GPHN: variants seen among roughly 807,000 people sequenced by gnomAD.
GPHN encodes gephyrin.
A neutral mutation model predicts 95.5 loss-of-function variants in GPHN; 17 were observed. That is an observed-to-expected ratio of 0.18 (90% CI 0.12 to 0.27). The LOEUF (loss-of-function observed/expected upper bound fraction) is 0.27. GPHN is among the 10% of genes least tolerant of loss of function. The pLI, the probability that GPHN is intolerant of heterozygous loss-of-function variation, is 1.00. For missense variants in GPHN, 660 were observed against 978.1 expected (o/e 0.67, Z 4.34); for synonymous variants, 320 against 322.5 (o/e 0.99, Z 0.08).
At chr14:67,592,120 T>C in the GPHN span, 1 of 175,108 alleles carries the variant, frequency 5.7e-6, no homozygotes, top group Non-Finnish European at 1.2e-5. Flanking sequence ...GAAGTTGCTA[T>C]ATATTTGATT....
the GPHN span, among the ~76,000 whole-genome samples, chr14:67,229,020 G>A: frequency 6.6e-6 from 1 of 152,206 alleles, no homozygotes; most frequent in Non-Finnish European, 1.5e-5. Flanking sequence ...GCTACAGCAT[G>A]TTTTTTATCC....
the GPHN span, among the ~76,000 whole-genome samples, chr14:67,451,397 G>C: frequency 2.0e-5 from 3 of 152,330 alleles, no homozygotes; most frequent in Non-Finnish European, 4.4e-5. Flanking sequence ...ACCTGGAAAA[G>C]CCACAGACAC....
chr14:66,942,625 C>T (rs964321844), intron 8 of GPHN, among the ~76,000 whole-genome samples: 8 of 152,062 alleles, frequency 5.3e-5, no homozygotes, highest in Non-Finnish European at 1.0e-4. Flanking sequence ...ATAGCATATA[C>T]TTTAGACATT....
intron 3 of GPHN, among the ~76,000 whole-genome samples, chr14:66,809,584 T>C (rs1323702507): frequency 3.3e-5 from 5 of 152,258 alleles, no homozygotes; most frequent in Non-Finnish European, 5.9e-5. Context: ...GCAGCATATT[T>C]TGGGGGAATA....
chr14:67,706,408 T>C, the GPHN span, among the ~76,000 whole-genome samples: 1 of 152,214 alleles, frequency 6.6e-6, no homozygotes, highest in Non-Finnish European at 1.5e-5. Context: ...TCGGAGGGCC[T>C]GACAACATAT....
chr14:67,337,786 A>C, the GPHN span: 1 of 152,246 alleles, frequency 6.6e-6, no homozygotes, highest in African/African-American at 2.4e-5. Flanking sequence ...ACTTATAAAT[A>C]GTAAAAAGTT....
chr14:67,100,734 A>T (rs1032452747), intron 12 of GPHN, 122 bp from the exon 13 acceptor site: 2 of 726,186 alleles, frequency 2.8e-6, no homozygotes, highest in South Asian at 3.0e-5. Context: ...TCAGAAAAAT[A>T]TTCCACTTCT....
rs112809081 is a variant in GPHN at position 66,880,803 on chromosome 14, G to C, written c.389+770G>C. Among the ~76,000 whole-genome samples, 471 of 151,902 alleles carry C rather than the reference G, an allele frequency of 3.1e-3. 11 individuals are homozygous for C. Among genetic ancestry groups the C allele is most frequent in the African/African-American group, 0.011 (446 of 41,478 alleles). On this transcript the variant is annotated intron_variant, in intron 5 of 22. Transcript: ENST00000478722. The stretch of plus-strand genomic sequence containing the variant: ...TGTTGATATCCATCCTCGATTTAAT[G>C]GTACTTATTTGCTACTATTTTAGCA...
At position 67,159,420 on chromosome 14, in the gene GPHN, T is replaced by C. The variant is rs2153717711; in HGVS notation, c.1842T>C (p.Tyr614=). The C allele has an allele frequency of 6.3e-7, 1 of 1,589,574 alleles. No individual in the cohort carries two copies. Among genetic ancestry groups the C allele is most frequent in the Admixed American group, 1.7e-5 (1 of 59,994 alleles). ...SGGVSMGEKD[Y]LKQVLDIDLH... is the part of the protein sequence containing the mutation. ...ATTATTTTTAATGTTTGCAGGACTA[T>C]CTCAAGCAGGTGCTGGACATTGATC... Residue 614 remains tyrosine (Y), a synonymous_variant, in exon 19 of 23, where the codon TAT becomes TAC. Coordinates refer to ENST00000478722, the MANE Select transcript of GPHN (RefSeq NM_020806.5).
the GPHN span, among the ~76,000 whole-genome samples, chr14:67,258,114 G>T: frequency 6.6e-6 from 1 of 151,818 alleles, no homozygotes; most frequent in African/African-American, 2.4e-5. Flanking sequence ...AATGCAGCAC[G>T]TATTGAGTTT....
chr14:66,824,555 G>A lies in GPHN; in HGVS notation c.283G>A (p.Val95Ile). The change falls in exon 4 of 23, where the codon GTC becomes ATC. Residue 95 changes from valine to isoleucine, a missense_variant. By Grantham distance (29) the Val-to-Ile change is conservative (BLOSUM62 3). Coordinates refer to ENST00000478722, the MANE Select transcript of GPHN (RefSeq NM_020806.5). ...AGGAACAGGATTTGCACCACGAGAT[G>A]TCACTCCAGAGGTGAGATAGTACAT... is the stretch of plus-strand genomic sequence containing the variant. ...TGGTGFAPRD[V>I]TPEATKEVIE... The A allele has an allele frequency of 6.6e-7, 1 of 1,523,794 alleles. No homozygotes were observed. The highest frequency in any genetic ancestry group is 2.3e-5 in the East Asian group (1 of 44,378). 94.4% of individuals were successfully genotyped at this position (1,523,794 alleles called of 1,614,324 possible).
intron 8 of GPHN, among the ~76,000 whole-genome samples, chr14:66,949,818 A>G (rs1352969468): frequency 2.0e-5 from 3 of 152,170 alleles, no homozygotes; most frequent in Non-Finnish European, 4.4e-5. Context: ...TATTCTTGGC[A>G]TCAAATATAA....
At chr14:66,548,890 A>G (rs1328979025) in intron 1 of GPHN, among the ~76,000 whole-genome samples, 7 of 152,220 alleles carry the variant, frequency 4.6e-5, no homozygotes, top group Admixed American at 6.5e-5. Context: ...AGAGATTTGT[A>G]TATTATACTT....
At chr14:66,658,420 A>G (rs970128337) in intron 1 of GPHN, among the ~76,000 whole-genome samples, 1 of 152,134 alleles carries the variant, frequency 6.6e-6, no homozygotes, top group Admixed American at 6.5e-5. Context: ...TCCAATTTTG[A>G]AAAAAATTCT....
At chr14:67,156,948 G>T (rs1343654340) in intron 18 of GPHN, among the ~76,000 whole-genome samples, 1 of 151,050 alleles carries the variant, frequency 6.6e-6, no homozygotes, top group Non-Finnish European at 1.5e-5. Context: ...CTCCAGCCTG[G>T]GTGACAAGTG....
At chr14:67,607,670 G>A in the GPHN span, among the ~76,000 whole-genome samples, 8 of 152,164 alleles carry the variant, frequency 5.3e-5, no homozygotes, top group Non-Finnish European at 7.4e-5. Flanking sequence ...CGGCCTGGAC[G>A]TGAGTATTTT....
chr14:66,740,863 C>T (rs1371208006), intron 2 of GPHN, among the ~76,000 whole-genome samples: 1 of 152,098 alleles, frequency 6.6e-6, no homozygotes, highest in Non-Finnish European at 1.5e-5. Context: ...TCCTTTTGTG[C>T]TGTTATAACA....
the GPHN span, among the ~76,000 whole-genome samples, chr14:67,314,902 G>T: frequency 4.3e-3 from 656 of 152,204 alleles, 17 homozygotes; most frequent in East Asian, 0.058. Context: ...ACTAGCCTGG[G>T]CCACATAGTG....
At chr14:67,574,554 G>A in the GPHN span, among the ~76,000 whole-genome samples, 3 of 152,216 alleles carry the variant, frequency 2.0e-5, no homozygotes, top group Non-Finnish European at 2.9e-5. This position sits in a 1 kb window ranked among gnomAD's most constrained non-coding sequence, Gnocchi z 4.2. Flanking sequence ...GCCCTCAAAC[G>A]TGGTCTGGCC....
Sources: allele counts gnomAD v4.1 joint callset (sites outside exome capture counted in the v4.1 genomes callset), GRCh38; gene constraint gnomAD v4.1.1; non-coding constraint Gnocchi (gnomAD v3.1); transcripts MANE v1.5; gene names NCBI Gene and HGNC (gene_info 2026-07-23, HGNC 2026-07-21).